CDH13: variants seen among roughly 807,000 people sequenced by gnomAD.
CDH13 encodes cadherin 13.
Under a neutral mutation model 63.8 loss-of-function variants are expected in CDH13, and 24 were observed. The observed-to-expected ratio is 0.38, with a 90% CI of 0.27 to 0.53. CDH13 has a LOEUF of 0.53. Among genes scored for constraint, CDH13 ranks in the 20% least tolerant of loss-of-function variants. The pLI is 0.85. For missense variants in CDH13, 1,049 were observed against 903.1 expected (o/e 1.16, Z -2.07); for synonymous variants, 503 against 355.3 (o/e 1.42, Z -4.67).
chr16:83,195,458 A>T (rs748936960), intron 4 of CDH13, among the ~76,000 whole-genome samples: 1 of 152,166 alleles, frequency 6.6e-6, no homozygotes, highest in Admixed American at 6.5e-5. Flanking sequence ...GCAGAAGGCA[A>T]AGTGGGAGCA....
At chr16:82,799,160 C>T (rs958877226) in intron 1 of CDH13, among the ~76,000 whole-genome samples, 9 of 152,254 alleles carry the variant, frequency 5.9e-5, no homozygotes, top group Middle Eastern at 3.4e-3. Context: ...TCAAAAGCAC[C>T]GAGCTCTCCG....
intron 6 of CDH13, among the ~76,000 whole-genome samples, chr16:83,399,537 G>A (rs918465807): frequency 2.0e-5 from 3 of 152,068 alleles, no homozygotes; most frequent in Admixed American, 6.5e-5. Flanking sequence ...TGACCTTGAC[G>A]ATCTTTCATT....
At chr16:83,538,724 A>G (rs1263003857) in intron 7 of CDH13, among the ~76,000 whole-genome samples, 3 of 152,200 alleles carry the variant, frequency 2.0e-5, no homozygotes, top group African/African-American at 7.2e-5. Context: ...AGAAGAGACA[A>G]GGTTGGAAGG....
intron 1 of CDH13, among the ~76,000 whole-genome samples, chr16:82,841,545 A>G (rs2039010646): frequency 6.6e-6 from 1 of 152,224 alleles, no homozygotes; most frequent in African/African-American, 2.4e-5. Flanking sequence ...ATATTTAAAT[A>G]ACACACAGCC....
rs115726179 is a variant in CDH13 at position 83,344,643 on chromosome 16, A to T, written c.637-219A>T. Among the ~76,000 whole-genome samples the T allele has an allele frequency of 3.6e-3, 547 of 152,194 alleles. 3 individuals carry two copies. Among genetic ancestry groups the T allele is most frequent in the African/African-American group, 0.012 (516 of 41,512 alleles). ...TGCCGATTTGATGAATTAATTGTAA[A>T]TTTCCCAAGGGGGATCTAAAGTGAA... On this transcript the variant is annotated intron_variant, in intron 5 of 13. Coordinates refer to ENST00000567109, the MANE Select transcript of CDH13 (RefSeq NM_001257.5).
At chr16:83,477,299 A>C (rs1340978312) in intron 6 of CDH13, among the ~76,000 whole-genome samples, 1 of 152,232 alleles carries the variant, frequency 6.6e-6, no homozygotes, top group Non-Finnish European at 1.5e-5. Context: ...GTACTTAAAA[A>C]ACCAACTAGC....
At chr16:82,646,836 C>G (rs1567586921) in intron 1 of CDH13, among the ~76,000 whole-genome samples, 1 of 152,132 alleles carries the variant, frequency 6.6e-6, no homozygotes, top group Non-Finnish European at 1.5e-5. Context: ...ATGTTATAAG[C>G]TCGAGGGAAG....
rs185552463 is a variant in CDH13 at position 83,715,489 on chromosome 16, G to A, written c.1539-32619G>A. On this transcript the variant is annotated intron_variant, in intron 10 of 13. Transcript: ENST00000567109. ...TGGGGCTTGTAAGTACCAGGTCTTG[G>A]TAAGTCTCCTTCCTGGCAGCAGCAG... Among the ~76,000 whole-genome samples, 289 of 152,298 alleles carry A rather than the reference G, an allele frequency of 1.9e-3. 1 individual carries two copies. The highest frequency in any genetic ancestry group is 6.7e-3 in the African/African-American group (278 of 41,568).
At chr16:83,441,491 T>G (rs1026648453) in intron 6 of CDH13, among the ~76,000 whole-genome samples, 1 of 152,236 alleles carries the variant, frequency 6.6e-6, no homozygotes, top group African/African-American at 2.4e-5. Context: ...TTCCCAATTT[T>G]TGGTCAGTGA....
At chr16:83,610,993 C>T (rs1908808940) in intron 8 of CDH13, among the ~76,000 whole-genome samples, 2 of 152,086 alleles carry the variant, frequency 1.3e-5, no homozygotes, top group Non-Finnish European at 2.9e-5. Context: ...TTAGCCTTTC[C>T]AATGTGTATG....
chr16:83,773,824 G>C (rs982085020), intron 11 of CDH13, among the ~76,000 whole-genome samples: 2 of 152,104 alleles, frequency 1.3e-5, no homozygotes, highest in Admixed American at 1.3e-4. Flanking sequence ...TGAGCCACAG[G>C]CTCCAACACT....
At chr16:83,270,950 C>T (rs535218670) in intron 5 of CDH13, among the ~76,000 whole-genome samples, 1 of 148,462 alleles carries the variant, frequency 6.7e-6, no homozygotes, top group Non-Finnish European at 1.5e-5. Flanking sequence ...CTTCCTCCCT[C>T]CCTCCTTTCT....
chr16:83,664,326 G>T (rs181584026), intron 8 of CDH13, among the ~76,000 whole-genome samples: 30 of 152,232 alleles, frequency 2.0e-4, no homozygotes, highest in African/African-American at 7.0e-4. Flanking sequence ...TCATCTTGAA[G>T]ACTTGCCAGT....
At chr16:82,769,834 G>C (rs1160974948) in intron 1 of CDH13, among the ~76,000 whole-genome samples, 2 of 152,330 alleles carry the variant, frequency 1.3e-5, no homozygotes, top group Non-Finnish European at 2.9e-5. Flanking sequence ...GCAAAATTCA[G>C]TTGGAAACAA....
chr16:83,516,033 G>C (rs147279078), intron 7 of CDH13, among the ~76,000 whole-genome samples: 1,682 of 152,186 alleles, frequency 0.011, 12 homozygotes, highest in Middle Eastern at 0.051. Flanking sequence ...TTCAAACATT[G>C]TTCCTCGTGA....
At chr16:82,707,755 T>C (rs2031606468) in intron 1 of CDH13, among the ~76,000 whole-genome samples, 1 of 152,210 alleles carries the variant, frequency 6.6e-6, no homozygotes, top group Non-Finnish European at 1.5e-5. Context: ...TATTTGTAGG[T>C]GAAGACGTGT....
intron 10 of CDH13, among the ~76,000 whole-genome samples, chr16:83,734,637 A>G (rs1911358831): frequency 1.3e-5 from 2 of 151,676 alleles, no homozygotes; most frequent in Admixed American, 1.3e-4. Context: ...ATGCTAAATG[A>G]CGAGTTAATG....
intron 2 of CDH13, among the ~76,000 whole-genome samples, chr16:82,964,327 G>A (rs1056483907): frequency 1.3e-5 from 2 of 152,180 alleles, no homozygotes; most frequent in South Asian, 2.1e-4. Context: ...TTACTAGACT[G>A]AAAAGGAAAA....
chr16:83,134,014 C>T (rs1037058594), intron 4 of CDH13, among the ~76,000 whole-genome samples: 7 of 152,108 alleles, frequency 4.6e-5, no homozygotes, highest in African/African-American at 1.7e-4. Context: ...ACATTCACTG[C>T]TTACTGATTA....
Sources: allele counts gnomAD v4.1 joint callset (sites outside exome capture counted in the v4.1 genomes callset), GRCh38; gene constraint gnomAD v4.1.1; transcripts MANE v1.5; gene names NCBI Gene and HGNC (gene_info 2026-07-23, HGNC 2026-07-21).